Variants in IGF2BP2 observed in about 807,000 individuals in gnomAD.
The protein encoded by IGF2BP2 is insulin-like growth factor 2 mRNA-binding protein 2.
A neutral mutation model predicts 75.8 loss-of-function variants in IGF2BP2; 17 were observed. That is an observed-to-expected ratio of 0.22 (90% CI 0.15 to 0.34). The LOEUF (loss-of-function observed/expected upper bound fraction) is 0.34. Ranked by LOEUF, IGF2BP2 falls within the 10% of genes least tolerant of loss-of-function variation. The pLI is 1.00. For synonymous variants in IGF2BP2, 288 were observed against 295.6 expected, an observed-to-expected ratio of 0.97 and a Z score of 0.26; for missense variants, 516 against 772.4, an observed-to-expected ratio of 0.67 and a Z score of 3.93.
In IGF2BP2 at chr3:185,691,268, T is replaced by C. The variant is rs547558965; in HGVS notation, c.404+1431A>G. 1.1e-4 allele frequency among the ~76,000 whole-genome samples: 16 copies of C among 150,414 alleles called. No individual in the cohort carries two copies. The South Asian group carries it at 2.7e-3, about 26-fold the overall frequency. On this transcript the variant is annotated intron_variant, in intron 5 of 15. Coordinates refer to ENST00000382199, the MANE Select transcript of IGF2BP2 (RefSeq NM_006548.6). ...CATGCGCCACCACGCCTGGCTAATT[T>C]TGTATTTTTAGTAGAGATGGGGTTT...
chr3:185,767,790 G>A (rs753458319), intron 2 of IGF2BP2: 11 of 154,128 alleles, frequency 7.1e-5, no homozygotes, highest in Non-Finnish European at 1.5e-4. Context: ...CTGTTCAGGG[G>A]ATATATTTTA....
intron 2 of IGF2BP2, chr3:185,728,539 C>T (rs894439075): frequency 1.7e-4 from 26 of 152,228 alleles, no homozygotes; most frequent in African/African-American, 5.5e-4. Flanking sequence ...GGGCTTTGGC[C>T]ATTTCCCCAG....
chr3:185,694,046 A>T (rs1452091249), intron 4 of IGF2BP2, among the ~76,000 whole-genome samples: 1 of 152,236 alleles, frequency 6.6e-6, no homozygotes, highest in Non-Finnish European at 1.5e-5. Context: ...ACTTTAAAGC[A>T]GCTGCAGCCT....
intron 2 of IGF2BP2, among the ~76,000 whole-genome samples, chr3:185,755,109 A>G (rs1325659804): frequency 6.6e-6 from 1 of 152,166 alleles, no homozygotes; most frequent in African/African-American, 2.4e-5. Context: ...CATTTCAGAA[A>G]TCTTCCAGGT....
At chr3:185,686,851 C>G (rs1721205713) in intron 7 of IGF2BP2, among the ~76,000 whole-genome samples, 1 of 151,924 alleles carries the variant, frequency 6.6e-6, no homozygotes, top group South Asian at 2.1e-4. Flanking sequence ...GAGAGACATG[C>G]AAGTGAAGAG....
chr3:185,649,935 C>A (rs1714289260), intron 13 of IGF2BP2, among the ~76,000 whole-genome samples: 1 of 152,148 alleles, frequency 6.6e-6, no homozygotes, highest in Non-Finnish European at 1.5e-5. Context: ...CAGGGTCATA[C>A]CCCTGGTTAG....
chr3:185,673,634 T>A (rs1718863156), intron 9 of IGF2BP2, among the ~76,000 whole-genome samples: 1 of 152,242 alleles, frequency 6.6e-6, no homozygotes, highest in Non-Finnish European at 1.5e-5. Flanking sequence ...TCCATCTTTG[T>A]CTCCCTGAAC....
intron 2 of IGF2BP2, among the ~76,000 whole-genome samples, chr3:185,750,744 C>T (rs982221709): frequency 9.9e-5 from 15 of 152,278 alleles, no homozygotes; most frequent in Middle Eastern, 3.4e-3. Context: ...ATCCAGACCC[C>T]CCTCATATAC....
intron 2 of IGF2BP2, among the ~76,000 whole-genome samples, chr3:185,766,059 A>G (rs985946171): frequency 6.6e-6 from 1 of 152,130 alleles, no homozygotes; most frequent in East Asian, 1.9e-4. Flanking sequence ...GATGGGAGAA[A>G]ATGTGGAGGT....
intron 2 of IGF2BP2, among the ~76,000 whole-genome samples, chr3:185,761,616 G>GA (rs982635834): frequency 1.3e-5 from 2 of 152,098 alleles, no homozygotes; most frequent in African/African-American, 4.8e-5. Context: ...CTTTCTCCAG[G>GA]AAAGACCTCA....
chr3:185,820,796 T>C (rs993405700), intron 2 of IGF2BP2, among the ~76,000 whole-genome samples: 1 of 152,060 alleles, frequency 6.6e-6, no homozygotes, highest in African/African-American at 2.4e-5. Context: ...ACAAAGAAAA[T>C]GCACTCAATT....
At chr3:185,674,326 G>C (rs1376206742) in intron 9 of IGF2BP2, among the ~76,000 whole-genome samples, 1 of 152,062 alleles carries the variant, frequency 6.6e-6, no homozygotes. Flanking sequence ...GGGTATATGA[G>C]GACTTATTGG....
chr3:185,806,444 T>C (rs1739041938), intron 2 of IGF2BP2, among the ~76,000 whole-genome samples: 1 of 152,178 alleles, frequency 6.6e-6, no homozygotes, highest in Admixed American at 6.5e-5. Context: ...TAAGCCTCAG[T>C]CTACACATTC....
intron 2 of IGF2BP2, among the ~76,000 whole-genome samples, chr3:185,705,191 G>A (rs1235323290): frequency 6.6e-6 from 1 of 152,214 alleles, no homozygotes; most frequent in Non-Finnish European, 1.5e-5. Context: ...CCGCCTCCCA[G>A]GTTCAAGTGA....
rs961183707 is a variant in IGF2BP2 at position 185,807,234 on chromosome 3, T to C, written c.239+15919A>G. Among the ~76,000 whole-genome samples, 7 of 152,246 alleles carry C rather than the reference T, an allele frequency of 4.6e-5. No homozygotes were observed. The East Asian group carries it at 9.6e-4, about 21-fold the overall frequency. On this transcript the variant is annotated intron_variant, in intron 2 of 15. Coordinates refer to ENST00000382199, the MANE Select transcript of IGF2BP2 (RefSeq NM_006548.6). ...CTGTATTTTATAAAAGGTGAAGTAA[T>C]TGAATCACTCTTCAGGGGAAAGAAA...
chr3:185,775,010 A>T (rs1214605102), intron 2 of IGF2BP2, among the ~76,000 whole-genome samples: 1 of 150,596 alleles, frequency 6.6e-6, no homozygotes, highest in Non-Finnish European at 1.5e-5. Flanking sequence ...ACAGAGTCAG[A>T]CTCCGTCTAA....
chr3:185,806,770 A>G (rs1739085948), intron 2 of IGF2BP2, among the ~76,000 whole-genome samples: 1 of 152,250 alleles, frequency 6.6e-6, no homozygotes, highest in African/African-American at 2.4e-5. Flanking sequence ...CTTCAAGAAA[A>G]GAGTTTCAAG....
At chr3:185,678,517 G>A (rs2149259994) in intron 7 of IGF2BP2, among the ~76,000 whole-genome samples, 1 of 152,324 alleles carries the variant, frequency 6.6e-6, no homozygotes, top group South Asian at 2.1e-4. Context: ...ATACTTTGTA[G>A]TATAATTTCA....
At chr3:185,787,640 C>T (rs1014674368) in intron 2 of IGF2BP2, among the ~76,000 whole-genome samples, 2 of 151,704 alleles carry the variant, frequency 1.3e-5, no homozygotes, top group Admixed American at 6.6e-5. Context: ...GGCCGTGGCC[C>T]GAGAATCACT....
Sources: gnomAD v4.1 joint callset for allele counts (sites outside exome capture counted in the v4.1 genomes callset) on GRCh38, gnomAD v4.1.1 for gene constraint, MANE v1.5 for transcripts, NCBI Gene and HGNC (gene_info 2026-07-23, HGNC 2026-07-21) for gene names.